Variants in NCKAP5 observed in about 807,000 individuals in gnomAD.
NCKAP5 encodes the protein nck-associated protein 5.
NCKAP5 carries 92 observed loss-of-function variants against 167.0 expected under a neutral mutation model. The ratio of observed to expected loss-of-function variants is 0.55; its 90% confidence interval spans 0.47 to 0.66. NCKAP5 has a LOEUF of 0.66. Ranked by LOEUF, NCKAP5 falls within the 30% of genes least tolerant of loss-of-function variation. The probability of loss-of-function intolerance (pLI) is 0.00; values close to 1 mark genes in which losing one functional copy is unlikely to be tolerated. For missense variants in NCKAP5, 2,378 were observed against 2,315.0 expected (o/e 1.03, Z -0.56); for synonymous variants, 891 against 877.4 (o/e 1.02, Z -0.27).
chr2:133,268,902 G>A (rs1235914508), intron 4 of NCKAP5: 1 of 152,124 alleles, frequency 6.6e-6, no homozygotes, highest in African/African-American at 2.4e-5. Context: ...TTCAAAAAGG[G>A]TCCTCTCTTA....
In NCKAP5 at chr2:133,517,446, T is replaced by C; in HGVS notation, c.69+12A>G. 2.1e-6 allele frequency: 3 copies of C among 1,442,622 alleles called. No individual in the cohort carries two copies. The highest frequency in any genetic ancestry group is 1.9e-6 in the Non-Finnish European group (2 of 1,079,628). 89.4% of individuals were successfully genotyped at this position (1,442,622 alleles called of 1,614,324 possible). ...AAACATATAGAGTGGTAAATGAATA[T>C]TTAGTACTTACCACAAGACTGCTGT... On this transcript the variant is annotated intron_variant, in intron 3 of 19. Coordinates refer to ENST00000409261, the MANE Select transcript of NCKAP5 (RefSeq NM_207363.3).
At chr2:132,719,816 T>G (rs1265992811) in intron 19 of NCKAP5, among the ~76,000 whole-genome samples, 1 of 152,150 alleles carries the variant, frequency 6.6e-6, no homozygotes, top group East Asian at 1.9e-4. Context: ...GCTTCATAGT[T>G]TGTACTCCTA....
chr2:133,642,123 C>T, the NCKAP5 span, among the ~76,000 whole-genome samples: 2,591 of 152,168 alleles, frequency 0.017, 73 homozygotes, highest in East Asian at 0.13. Flanking sequence ...CAAGAGAGGA[C>T]GCAAGAGAGA....
chr2:133,139,852 G>GT (rs1353565737), intron 5 of NCKAP5, among the ~76,000 whole-genome samples: 1 of 152,116 alleles, frequency 6.6e-6, no homozygotes, highest in African/African-American at 2.4e-5. Context: ...AATATCTGAT[G>GT]TTTACAGAGG....
intron 1 of NCKAP5, among the ~76,000 whole-genome samples, chr2:133,566,816 T>C (rs2105050957): frequency 6.6e-6 from 1 of 152,336 alleles, no homozygotes; most frequent in East Asian, 1.9e-4. Flanking sequence ...AGCAAGTCCC[T>C]TATTTTAAGC....
At chr2:133,598,059 A>G in the NCKAP5 span, among the ~76,000 whole-genome samples, 2 of 152,214 alleles carry the variant, frequency 1.3e-5, no homozygotes, top group African/African-American at 4.8e-5. Flanking sequence ...GACATTGTAA[A>G]TTGGAATGTC....
At chr2:132,776,522 T>C (rs777520696) in intron 15 of NCKAP5, among the ~76,000 whole-genome samples, 11 of 152,178 alleles carry the variant, frequency 7.2e-5, no homozygotes, top group Non-Finnish European at 1.5e-4. Flanking sequence ...CTTTCAGCTC[T>C]CCTGGGCTGG....
At chr2:132,942,885 G>A (rs760068814) in intron 8 of NCKAP5, among the ~76,000 whole-genome samples, 2 of 152,172 alleles carry the variant, frequency 1.3e-5, no homozygotes, top group Non-Finnish European at 2.9e-5. Flanking sequence ...AGTGGTCTCT[G>A]TCTGCCAACG....
chr2:133,164,167 ATAATATATAAAT>A (rs540769222), intron 5 of NCKAP5, among the ~76,000 whole-genome samples: 2 of 152,352 alleles, frequency 1.3e-5, no homozygotes, highest in East Asian at 3.9e-4. Flanking sequence ...ATATTTTTTC[ATAATATATAAAT>A]TGATGCCTTC....
chr2:133,363,504 C>T (rs754517203), intron 3 of NCKAP5, among the ~76,000 whole-genome samples: 1 of 152,140 alleles, frequency 6.6e-6, no homozygotes, highest in Non-Finnish European at 1.5e-5. Context: ...CATAACTTTA[C>T]TTATACTCAT....
chr2:133,657,870 G>T, the NCKAP5 span, among the ~76,000 whole-genome samples: 1 of 152,118 alleles, frequency 6.6e-6, no homozygotes, highest in Non-Finnish European at 1.5e-5. Flanking sequence ...CCCCCTGGGG[G>T]TTAGTAAAGC....
chr2:132,872,964 A>G (rs1160647647), intron 9 of NCKAP5, among the ~76,000 whole-genome samples: 1 of 152,226 alleles, frequency 6.6e-6, no homozygotes, highest in African/African-American at 2.4e-5. Flanking sequence ...TGAAAAAGGC[A>G]TGAGATGATA....
chr2:133,265,676 A>T (rs2089163936), intron 4 of NCKAP5, among the ~76,000 whole-genome samples: 1 of 151,734 alleles, frequency 6.6e-6, no homozygotes, highest in Non-Finnish European at 1.5e-5. Context: ...AGACAAGGTC[A>T]GGGATCTCCC....
intron 5 of NCKAP5, among the ~76,000 whole-genome samples, chr2:133,134,098 T>C (rs778903648): frequency 2.0e-5 from 3 of 152,208 alleles, no homozygotes; most frequent in Non-Finnish European, 4.4e-5. Context: ...TCCACCCAGT[T>C]GAACTGCATC....
intron 12 of NCKAP5, among the ~76,000 whole-genome samples, chr2:132,794,253 TATATATATATAGAG>T (rs1479231871): frequency 8.7e-4 from 48 of 55,132 alleles, no homozygotes; most frequent in African/African-American, 1.2e-3. Context: ...TATATATATA[TATATATATATAGAG>T]AGAGAGAGAG....
At chr2:133,489,582 A>T (rs867935941) in intron 3 of NCKAP5, among the ~76,000 whole-genome samples, 7 of 152,322 alleles carry the variant, frequency 4.6e-5, no homozygotes, top group Middle Eastern at 3.4e-3. Context: ...GTGGCACTAA[A>T]CTTATACAAT....
intron 3 of NCKAP5, among the ~76,000 whole-genome samples, chr2:133,319,766 A>G (rs1023720982): frequency 2.0e-5 from 3 of 152,200 alleles, no homozygotes; most frequent in Non-Finnish European, 4.4e-5. Context: ...GAGGTTGTTA[A>G]AGAGTCAAAC....
intron 19 of NCKAP5, among the ~76,000 whole-genome samples, chr2:132,714,473 G>T (rs1689163299): frequency 6.6e-6 from 1 of 152,130 alleles, no homozygotes. Flanking sequence ...GCATTATGTG[G>T]TTGATGCGAC....
chr2:132,703,380 A>T (rs1428516137), intron 19 of NCKAP5, among the ~76,000 whole-genome samples: 1 of 152,186 alleles, frequency 6.6e-6, no homozygotes, highest in Non-Finnish European at 1.5e-5. Context: ...TATTTTCAGA[A>T]TCAGTTCATG....
Sources: allele counts gnomAD v4.1 joint callset (sites outside exome capture counted in the v4.1 genomes callset), GRCh38; gene constraint gnomAD v4.1.1; transcripts MANE v1.5; gene names NCBI Gene and HGNC (gene_info 2026-07-23, HGNC 2026-07-21).